KCNJ6: variants seen among roughly 807,000 people sequenced by gnomAD.
KCNJ6 encodes potassium inwardly rectifying channel subfamily J member 6, also known as G protein-activated inward rectifier potassium channel 2.
In KCNJ6, 9 loss-of-function variants were observed where a neutral mutation model predicts 34.2. The observed-to-expected ratio is 0.26, with a 90% CI of 0.16 to 0.46. KCNJ6 has a LOEUF of 0.46. KCNJ6 is among the 20% of genes least tolerant of loss of function. KCNJ6 has a pLI of 1.00. For synonymous variants in KCNJ6, 196 were observed against 207.1 expected (o/e 0.95, Z 0.46); for missense variants, 236 against 531.3 (o/e 0.44, Z 5.46).
intron 3 of KCNJ6, among the ~76,000 whole-genome samples, chr21:37,679,533 A>G (rs1176285760): frequency 6.6e-6 from 1 of 152,238 alleles, no homozygotes; most frequent in African/African-American, 2.4e-5. Flanking sequence ...AATGTTAGTT[A>G]TAACTACTGT....
intron 2 of KCNJ6, chr21:37,719,440 A>G (rs1477154890): frequency 1.3e-5 from 2 of 152,092 alleles, no homozygotes; most frequent in Non-Finnish European, 2.9e-5. Context: ...GAGAGCAGAC[A>G]TTTCTCCCAT....
At chr21:37,828,491 G>C (rs1199535119) in intron 2 of KCNJ6, among the ~76,000 whole-genome samples, 1 of 152,228 alleles carries the variant, frequency 6.6e-6, no homozygotes, top group Non-Finnish European at 1.5e-5. Flanking sequence ...AGGCCTGGGA[G>C]CTGGGGGGTG....
chr21:37,712,479 CCT>C (rs2054759046), intron 3 of KCNJ6, among the ~76,000 whole-genome samples: 2 of 93,540 alleles, frequency 2.1e-5, no homozygotes, highest in Non-Finnish European at 2.6e-5. Context: ...CTCCCTCCTC[CCT>C]TTCTCTTCCC....
chr21:37,819,109 G>A (rs1355039084), intron 2 of KCNJ6, among the ~76,000 whole-genome samples: 2 of 152,196 alleles, frequency 1.3e-5, no homozygotes, highest in African/African-American at 4.8e-5. Flanking sequence ...AGACAAGCTG[G>A]ATATTGGCCT....
chr21:37,697,152 G>A (rs978422688), intron 3 of KCNJ6, among the ~76,000 whole-genome samples: 1 of 152,184 alleles, frequency 6.6e-6, no homozygotes, highest in African/African-American at 2.4e-5. Context: ...TAAGACGATT[G>A]TTTGACCACC....
chr21:37,826,683 T>C (rs967139682), intron 2 of KCNJ6, among the ~76,000 whole-genome samples: 1 of 152,086 alleles, frequency 6.6e-6, no homozygotes, highest in Admixed American at 6.5e-5. Flanking sequence ...TGAATGCAAC[T>C]CTCGATTTAC....
intron 1 of KCNJ6, among the ~76,000 whole-genome samples, chr21:37,892,336 C>T (rs1006319836): frequency 6.6e-6 from 1 of 152,178 alleles, no homozygotes; most frequent in Non-Finnish European, 1.5e-5. Context: ...CCTGGCTGAT[C>T]GTAAAGTCAC....
intron 2 of KCNJ6, among the ~76,000 whole-genome samples, chr21:37,759,484 AC>A (rs1274476762): frequency 6.6e-6 from 1 of 152,094 alleles, no homozygotes; most frequent in Non-Finnish European, 1.5e-5. Flanking sequence ...AGGTGTTCTC[AC>A]AACCCCGCAG....
In KCNJ6 at chr21:37,890,073, T is replaced by C. The variant is rs2055754919; in HGVS notation, c.-28+25811A>G. 2.6e-5 allele frequency among the ~76,000 whole-genome samples: 4 copies of C among 152,216 alleles called. No individual in the cohort carries two copies. In the South Asian group the frequency reaches 8.3e-4, roughly 31 times the overall value. On this transcript the variant is annotated intron_variant, in intron 1 of 3. Transcript: ENST00000609713. The stretch of plus-strand genomic sequence containing the variant: ...ATATACTTCCATATTAGTCTTCTCA[T>C]ACTGCTAATAAAGACATACCCGAAA...
chr21:37,908,778 T>C (rs2123652207), intron 1 of KCNJ6, among the ~76,000 whole-genome samples: 1 of 152,344 alleles, frequency 6.6e-6, no homozygotes, highest in East Asian at 1.9e-4. Flanking sequence ...GGAAATATTG[T>C]CTCTACCAGG....
rs553191257 is a variant in KCNJ6 at position 37,772,474 on chromosome 21, G to C, written c.26-57343C>G. ...GGCACTTAATAGTTATTTTAGAATC[G>C]TCATACTTTTAAATTCTACTCTATA... On this transcript the variant is annotated intron_variant, in intron 2 of 3. Coordinates refer to ENST00000609713, the MANE Select transcript of KCNJ6 (RefSeq NM_002240.5). Among the ~76,000 whole-genome samples the C allele has an allele frequency of 1.1e-4, 16 of 152,050 alleles. No individual in the cohort carries two copies. In the East Asian group the frequency reaches 1.5e-3, roughly 15 times the overall value.
At chr21:37,663,482 T>C (rs964338640) in intron 3 of KCNJ6, among the ~76,000 whole-genome samples, 7 of 151,466 alleles carry the variant, frequency 4.6e-5, no homozygotes, top group Non-Finnish European at 1.0e-4. Flanking sequence ...AAAATCCAGC[T>C]ACATACTGTT....
intron 1 of KCNJ6, among the ~76,000 whole-genome samples, chr21:37,878,025 C>T (rs1044071240): frequency 6.6e-6 from 1 of 152,190 alleles, no homozygotes; most frequent in African/African-American, 2.4e-5. Flanking sequence ...AGAGTACACT[C>T]CATAGGAATG....
chr21:37,906,799 G>A (rs1292008754), intron 1 of KCNJ6, among the ~76,000 whole-genome samples: 1 of 152,158 alleles, frequency 6.6e-6, no homozygotes, highest in Non-Finnish European at 1.5e-5. Context: ...AACACATAAT[G>A]TCATAGGTTC....
chr21:37,669,740 T>A (rs925016443), intron 3 of KCNJ6, among the ~76,000 whole-genome samples: 13 of 152,212 alleles, frequency 8.5e-5, no homozygotes, highest in Admixed American at 7.9e-4. Context: ...CACAGAATTG[T>A]AGCTGGAATA....
chr21:37,739,477 T>A (rs1005794864), intron 2 of KCNJ6, among the ~76,000 whole-genome samples: 4 of 152,126 alleles, frequency 2.6e-5, no homozygotes, highest in African/African-American at 7.2e-5. Context: ...GCTCTGTAAT[T>A]GGGAAAAAAT....
chr21:37,661,936 AT>A (rs147234410), intron 3 of KCNJ6, among the ~76,000 whole-genome samples: 22,892 of 152,010 alleles, frequency 0.15, 2,189 homozygotes, highest in East Asian at 0.38. Context: ...CCTAAGAGAC[AT>A]AATTCTAATA....
intron 1 of KCNJ6, among the ~76,000 whole-genome samples, chr21:37,863,846 G>GTTTTTTGTTTT (rs2055606816): frequency 1.0e-5 from 1 of 97,042 alleles, no homozygotes; most frequent in Non-Finnish European, 2.0e-5. Flanking sequence ...AAATATAAAG[G>GTTTTTTGTTTT]TTTTTTTTTT....
At chr21:37,683,093 C>T (rs2054597504) in intron 3 of KCNJ6, among the ~76,000 whole-genome samples, 1 of 152,208 alleles carries the variant, frequency 6.6e-6, no homozygotes, top group Non-Finnish European at 1.5e-5. Context: ...GGGAAGCATT[C>T]CTGGAAAAAT....
Sources: allele counts gnomAD v4.1 joint callset (sites outside exome capture counted in the v4.1 genomes callset), GRCh38; gene constraint gnomAD v4.1.1; transcripts MANE v1.5; gene names NCBI Gene and HGNC (gene_info 2026-07-23, HGNC 2026-07-21).